Variants in RNF220 observed in about 807,000 individuals in gnomAD.
The protein encoded by RNF220 is ring finger protein 220.
A neutral mutation model predicts 67.1 loss-of-function variants in RNF220; 7 were observed. That is an observed-to-expected ratio of 0.10 (90% confidence interval 0.06 to 0.20). The LOEUF is 0.20. Among genes scored for constraint, RNF220 ranks in the 10% least tolerant of loss-of-function variants. The pLI, the probability that RNF220 is intolerant of heterozygous loss-of-function variation, is 1.00. For synonymous variants in RNF220, 270 were observed against 283.2 expected (o/e 0.95, Z 0.47); for missense variants, 565 against 740.3 (o/e 0.76, Z 2.75).
chr1:44,523,432 G>A (rs1462190741), intron 2 of RNF220, among the ~76,000 whole-genome samples: 2 of 152,234 alleles, frequency 1.3e-5, no homozygotes, highest in African/African-American at 2.4e-5. Flanking sequence ...CAGCTGTGGG[G>A]AGACAGTGGG....
chr1:44,541,461 C>T (rs1661668354), intron 2 of RNF220, among the ~76,000 whole-genome samples: 1 of 152,218 alleles, frequency 6.6e-6, no homozygotes, highest in Non-Finnish European at 1.5e-5. Context: ...AGTCACACAG[C>T]TAGTAACTGA....
chr1:44,512,251 G>T (rs763141247), intron 2 of RNF220, among the ~76,000 whole-genome samples: 1 of 152,194 alleles, frequency 6.6e-6, no homozygotes, highest in Admixed American at 6.5e-5. Context: ...TGATAGGTAG[G>T]TGTGGCTGAG....
Position 44,649,737 on chromosome 1 carries a change from C to T in RNF220, c.1522C>T (p.Arg508Cys), listed in dbSNP as rs1644739906. Reference protein sequence around the residue: ...RVRELERQLSRGDRYKCLICM... With the variant: ...RVRELERQLSCGDRYKCLICM... Reference sequence around the variant, plus strand: ...CAGAGAACTTGAACGGCAGCTATCTCGTGGGGACCGTTACAAATGCCTCAT... The same window carrying T: ...CAGAGAACTTGAACGGCAGCTATCTTGTGGGGACCGTTACAAATGCCTCAT... The change falls in exon 13 of 15, where the codon CGT (arginine) becomes TGT (cysteine). Residue 508 changes from arginine (R) to cysteine (C), a missense_variant. Physicochemically the swap from Arg to Cys is radical, Grantham distance 180. Transcript: ENST00000361799. This position sits in a 1 kb window ranked among gnomAD's most constrained non-coding sequence, Gnocchi z 5.9. 2.5e-6 allele frequency: 4 copies of T among 1,613,906 alleles called. No individual in the cohort carries two copies. Among genetic ancestry groups the T allele is most frequent in the South Asian group, 1.1e-5 (1 of 91,082 alleles).
In RNF220 at chr1:44,606,009, G is replaced by A. The variant is rs1044604744; in HGVS notation, c.626-8156G>A. On this transcript the variant is annotated intron_variant, in intron 2 of 14. Coordinates refer to ENST00000361799, the MANE Select transcript of RNF220 (RefSeq NM_018150.4). This position sits in a 1 kb window ranked among gnomAD's most constrained non-coding sequence, Gnocchi z 4.2. ...CTAAATACATATCTCTCCCCTGCCC[G>A]CCCTACCCCTACCTCCTCAACCAGG... Among the ~76,000 whole-genome samples, 3 of 151,884 alleles carry A rather than the reference G, an allele frequency of 2.0e-5. No homozygotes were observed. Among genetic ancestry groups the A allele is most frequent in the Non-Finnish European group, 2.9e-5 (2 of 67,916 alleles).
chr1:44,587,087 T>G (rs1665752940), intron 2 of RNF220, among the ~76,000 whole-genome samples: 2 of 152,044 alleles, frequency 1.3e-5, no homozygotes, highest in African/African-American at 4.8e-5. Flanking sequence ...TCCTTCTGTT[T>G]TTTTTAAAGT....
At chr1:44,607,519 C>A (rs1050507574) in intron 2 of RNF220, among the ~76,000 whole-genome samples, 1 of 140,374 alleles carries the variant, frequency 7.1e-6, no homozygotes, top group African/African-American at 2.7e-5. Flanking sequence ...CGGAGTCTCG[C>A]TTTGTCACCC....
Position 44,622,959 on chromosome 1 carries a change from CGT to C in RNF220, c.804+183_804+184del, listed in dbSNP as rs1301792042. 6.6e-6 allele frequency among the ~76,000 whole-genome samples: 1 copy of C among 151,974 alleles called. No homozygotes were observed. The highest frequency in any genetic ancestry group is 2.1e-4 in the South Asian group (1 of 4,812). ...ATCATCCTGAGGCCTAGGGCTGCGC[CGT>C]GTGTGTGTGTAAGTGTGTGTGGTCT... On this transcript the variant is annotated intron_variant, in intron 4 of 14. Coordinates refer to ENST00000361799, the MANE Select transcript of RNF220 (RefSeq NM_018150.4). The surrounding 1 kb of genome is among the most constrained non-coding windows in gnomAD (Gnocchi z 4.3).
At chr1:44,519,090 G>A (rs1416356682) in intron 2 of RNF220, among the ~76,000 whole-genome samples, 3 of 150,866 alleles carry the variant, frequency 2.0e-5, no homozygotes, top group African/African-American at 7.3e-5. Context: ...AGATGAGGGA[G>A]AGGAAGAGCA....
chr1:44,618,227 G>C (rs1004242357), intron 3 of RNF220, among the ~76,000 whole-genome samples: 1 of 152,160 alleles, frequency 6.6e-6, no homozygotes, highest in African/African-American at 2.4e-5. Flanking sequence ...GAACCTTCCA[G>C]CTCCAGAGCC....
rs530802600 is a variant in RNF220, at chr1:44,499,865, C to T, written c.625+87143C>T. On this transcript the variant is annotated intron_variant, in intron 2 of 14. Transcript: ENST00000361799. ...TTATGTCCTTTATCTCTACCCTGCC[C>T]GTCAATAGCCACTCCAGTCTTCCAG... Among the ~76,000 whole-genome samples the T allele has an allele frequency of 6.6e-4, 96 of 146,460 alleles. 1 individual carries two copies. Among genetic ancestry groups the T allele is most frequent in the Non-Finnish European group, 1.2e-3 (84 of 68,006 alleles).
At chr1:44,503,725 C>T (rs1045412807) in intron 2 of RNF220, among the ~76,000 whole-genome samples, 21 of 152,168 alleles carry the variant, frequency 1.4e-4, no homozygotes, top group African/African-American at 4.3e-4. Context: ...GAATTTTAGG[C>T]TAGTGTTTTC....
chr1:44,554,108 A>G (rs1662883783), intron 2 of RNF220, among the ~76,000 whole-genome samples: 1 of 152,202 alleles, frequency 6.6e-6, no homozygotes, highest in Admixed American at 6.5e-5. Flanking sequence ...ATCAGCTTTC[A>G]GGGCACAGAA....
At chr1:44,535,892 CAG>C (rs949248225) in intron 2 of RNF220, among the ~76,000 whole-genome samples, 1 of 152,150 alleles carries the variant, frequency 6.6e-6, no homozygotes. Flanking sequence ...GCTGTGGGTC[CAG>C]GCAGTTCAAG....
chr1:44,409,886 GGAAAAGAAA>G (rs1341543504), intron 1 of RNF220, among the ~76,000 whole-genome samples: 1 of 150,246 alleles, frequency 6.7e-6, no homozygotes, highest in Non-Finnish European at 1.5e-5. Context: ...GAAAGAAAAG[GGAAAAGAAA>G]AAAAAGAAAA....
chr1:44,462,114 T>C (rs115261504), intron 2 of RNF220, among the ~76,000 whole-genome samples: 11,157 of 151,724 alleles, frequency 0.074, 463 homozygotes, highest in East Asian at 0.17. Context: ...CTTGTATTTT[T>C]AGTAGAGATG....
chr1:44,610,558 C>T (rs554978747), intron 2 of RNF220, among the ~76,000 whole-genome samples: 81 of 152,278 alleles, frequency 5.3e-4, no homozygotes, highest in African/African-American at 1.8e-3. Context: ...TGACCTAGAC[C>T]CACATGTGGC....
intron 2 of RNF220, among the ~76,000 whole-genome samples, chr1:44,578,653 G>A (rs1031851615): frequency 6.6e-6 from 1 of 152,148 alleles, no homozygotes; most frequent in Non-Finnish European, 1.5e-5. Flanking sequence ...TCCACCTGGA[G>A]GACAATGTCC....
chr1:44,406,940 G>A lies in RNF220; in HGVS notation c.-118+1410G>A, dbSNP rs1647396243. 3.3e-5 allele frequency among the ~76,000 whole-genome samples: 5 copies of A among 152,334 alleles called. No homozygotes were observed. In the South Asian group the frequency reaches 1.0e-3, roughly 32 times the overall value. On this transcript the variant is annotated intron_variant, in intron 1 of 14. Coordinates refer to ENST00000361799, the MANE Select transcript of RNF220 (RefSeq NM_018150.4). ...GCTGGCGAGGGCGCGCAGGAGTCCC[G>A]AAGTAGCGGGGACTAGGGCAGCCAG...
At chr1:44,492,758 G>A (rs1012224051) in intron 2 of RNF220, among the ~76,000 whole-genome samples, 1 of 152,122 alleles carries the variant, frequency 6.6e-6, no homozygotes, top group African/African-American at 2.4e-5. Flanking sequence ...GCCTAGGGCT[G>A]GGGTGAGGGG....
Sources: allele counts gnomAD v4.1 joint callset (sites outside exome capture counted in the v4.1 genomes callset), GRCh38; gene constraint gnomAD v4.1.1; non-coding constraint Gnocchi (gnomAD v3.1); transcripts MANE v1.5; gene names NCBI Gene and HGNC (gene_info 2026-07-23, HGNC 2026-07-21).